Variants in NLGN1 observed in about 807,000 individuals in gnomAD.
The protein encoded by NLGN1 is neuroligin-1.
In NLGN1, 12 loss-of-function variants were observed where a neutral mutation model predicts 65.5. The ratio of observed to expected loss-of-function variants is 0.18; its 90% CI spans 0.12 to 0.30. The LOEUF is 0.30. Among genes scored for constraint, NLGN1 ranks in the 10% least tolerant of loss-of-function variants. The probability of loss-of-function intolerance (pLI) is 1.00; values close to 1 mark genes in which losing one functional copy is unlikely to be tolerated. For missense variants in NLGN1, 750 were observed against 1,007.1 expected, an observed-to-expected ratio of 0.74 and a Z score of 3.46; for synonymous variants, 350 against 359.5, an observed-to-expected ratio of 0.97 and a Z score of 0.30.
In NLGN1 at chr3:173,573,790, G is replaced by A. The variant is rs1019246944; in HGVS notation, c.-320-30489G>A. 4.0e-5 allele frequency among the ~76,000 whole-genome samples: 6 copies of A among 151,396 alleles called. No individual in the cohort carries two copies. In the South Asian group the frequency reaches 6.2e-4, roughly 16 times the overall value. On this transcript the variant is annotated intron_variant, in intron 2 of 6. Coordinates refer to ENST00000457714, the Ensembl canonical transcript of NLGN1. ...TCAAAAAAAGATGAAAAGGCCGGGCGCGGTGGCTCACGCCTGTAATCCCAG... is the reference window on the plus strand; with the variant it reads ...TCAAAAAAAGATGAAAAGGCCGGGCACGGTGGCTCACGCCTGTAATCCCAG...
At chr3:173,986,719 T>A (rs2152403915) in intron 4 of NLGN1, among the ~76,000 whole-genome samples, 1 of 152,328 alleles carries the variant, frequency 6.6e-6, no homozygotes, top group Middle Eastern at 3.4e-3. Context: ...ATACAGCGTC[T>A]AGATGCTGGA....
intron 3 of NLGN1, among the ~76,000 whole-genome samples, chr3:173,759,690 A>G (rs1183754966): frequency 2.6e-5 from 4 of 151,884 alleles, no homozygotes; most frequent in Non-Finnish European, 5.9e-5. Context: ...TCATACTTCC[A>G]TGTAACTATT....
chr3:173,751,197 A>C (rs1392359625), intron 3 of NLGN1, among the ~76,000 whole-genome samples: 1 of 152,102 alleles, frequency 6.6e-6, no homozygotes, highest in East Asian at 1.9e-4. Context: ...TAGTTAAGAT[A>C]ATGTTTGTGC....
At chr3:173,427,489 A>G (rs979811991) in intron 1 of NLGN1, among the ~76,000 whole-genome samples, 2 of 151,766 alleles carry the variant, frequency 1.3e-5, no homozygotes, top group Admixed American at 1.3e-4. Flanking sequence ...GCTATACTGC[A>G]TAGGTTTTGG....
Position 174,280,559 on chromosome 3 carries a change from C to T in NLGN1, c.1728C>T (p.Thr576=). The T allele has an allele frequency of 1.2e-6, 2 of 1,613,104 alleles. No homozygotes were observed. The highest frequency in any genetic ancestry group is 1.1e-5 in the South Asian group (1 of 91,056). The change falls in exon 7 of 7, where the codon ACC becomes ACT. Residue 576 remains threonine (T), a synonymous_variant. Transcript: ENST00000457714. This position sits in a 1 kb window ranked among gnomAD's most constrained non-coding sequence, Gnocchi z 4.9. The stretch of plus-strand genomic sequence containing the variant: ...ACCGTTTTGAAGAAGTAGCATGGAC[C>T]AGATATTCCCAGAAAGACCAACTTT...
chr3:173,719,676 TACTG>T (rs1367482078), intron 3 of NLGN1, among the ~76,000 whole-genome samples: 4 of 152,228 alleles, frequency 2.6e-5, no homozygotes, highest in African/African-American at 9.6e-5. Context: ...TCTCAGAAAA[TACTG>T]ACACTATGCT....
At chr3:174,263,242 G>A (rs1422781343) in intron 4 of NLGN1, among the ~76,000 whole-genome samples, 1 of 149,168 alleles carries the variant, frequency 6.7e-6, no homozygotes. Context: ...TATCCTTGTT[G>A]ACTTTCTGTC....
chr3:173,580,598 A>T (rs1326925969), intron 2 of NLGN1, among the ~76,000 whole-genome samples: 1 of 152,006 alleles, frequency 6.6e-6, no homozygotes, highest in African/African-American at 2.4e-5. Context: ...GTATGTTTCT[A>T]TCCTCTCTGT....
At chr3:173,469,149 G>A (rs1463102676) in intron 2 of NLGN1, among the ~76,000 whole-genome samples, 1 of 151,994 alleles carries the variant, frequency 6.6e-6, no homozygotes, top group Non-Finnish European at 1.5e-5. Context: ...TTCTTGTAAA[G>A]CCTTAATTTT....
chr3:174,112,826 G>T (rs1451955471), intron 4 of NLGN1, among the ~76,000 whole-genome samples: 1 of 151,542 alleles, frequency 6.6e-6, no homozygotes, highest in Non-Finnish European at 1.5e-5. Context: ...AATTTGACAC[G>T]GTGATTAGTA....
At chr3:173,684,280 A>G (rs1211920802) in intron 3 of NLGN1, among the ~76,000 whole-genome samples, 1 of 152,136 alleles carries the variant, frequency 6.6e-6, no homozygotes, top group Non-Finnish European at 1.5e-5. Flanking sequence ...TAAAGACTTC[A>G]CTTCTATATA....
At chr3:173,766,227 TAC>T (rs1778773013) in intron 3 of NLGN1, among the ~76,000 whole-genome samples, 1 of 151,968 alleles carries the variant, frequency 6.6e-6, no homozygotes, top group Admixed American at 6.6e-5. Context: ...TAGGTGGGAT[TAC>T]AGACACCCAC....
intron 2 of NLGN1, among the ~76,000 whole-genome samples, chr3:173,555,236 C>T (rs777568191): frequency 4.4e-4 from 67 of 152,088 alleles, no homozygotes; most frequent in Non-Finnish European, 8.1e-4. Context: ...AGTATTTTTT[C>T]CTCTATCAAT....
At chr3:173,959,286 G>A (rs1285161123) in intron 4 of NLGN1, among the ~76,000 whole-genome samples, 2 of 152,232 alleles carry the variant, frequency 1.3e-5, no homozygotes, top group Non-Finnish European at 2.9e-5. Flanking sequence ...ACTGCAGCCA[G>A]TGTTTTTGCA....
At chr3:173,982,817 C>T (rs1719054092) in intron 4 of NLGN1, among the ~76,000 whole-genome samples, 1 of 151,996 alleles carries the variant, frequency 6.6e-6, no homozygotes, top group South Asian at 2.1e-4. Context: ...ATATCAGGCC[C>T]AAATTTAGGG....
rs532163749 is a variant in NLGN1 at position 174,091,661 on chromosome 3, T to C, written c.647-183654T>C. On this transcript the variant is annotated intron_variant, in intron 4 of 6. Coordinates refer to ENST00000457714, the Ensembl canonical transcript of NLGN1. ...TTCTCAGGAACCAAATACATATTTT[T>C]GTTACAGTGACTGGTTTTATAAAAG... is the stretch of plus-strand genomic sequence containing the variant. Among the ~76,000 whole-genome samples, 11 of 152,350 alleles carry C rather than the reference T, an allele frequency of 7.2e-5. No individual in the cohort carries two copies. In the East Asian group the frequency reaches 2.1e-3, roughly 29 times the overall value.
At chr3:173,826,645 G>A (rs572387466) in intron 4 of NLGN1, among the ~76,000 whole-genome samples, 1 of 152,128 alleles carries the variant, frequency 6.6e-6, no homozygotes, top group East Asian at 1.9e-4. Flanking sequence ...TGATTCATTC[G>A]GTTGAAAAAC....
At chr3:173,642,398 G>A (rs1757557254) in intron 3 of NLGN1, among the ~76,000 whole-genome samples, 1 of 152,098 alleles carries the variant, frequency 6.6e-6, no homozygotes, top group East Asian at 1.9e-4. Context: ...GGGTGGCAAC[G>A]GGGGCATTGG....
intron 3 of NLGN1, among the ~76,000 whole-genome samples, chr3:173,787,990 A>T (rs565149909): frequency 1.3e-5 from 2 of 152,278 alleles, no homozygotes; most frequent in Admixed American, 1.3e-4. Flanking sequence ...CAAATAATTG[A>T]AAAATATAAC....
Sources: allele counts gnomAD v4.1 joint callset (sites outside exome capture counted in the v4.1 genomes callset), GRCh38; gene constraint gnomAD v4.1.1; non-coding constraint Gnocchi (gnomAD v3.1); transcripts MANE v1.5; gene names NCBI Gene and HGNC (gene_info 2026-07-23, HGNC 2026-07-21).